Variants in GNAO1 observed in about 807,000 individuals in gnomAD.
GNAO1 encodes G protein subunit alpha o1, also known as guanine nucleotide-binding protein G(o) subunit alpha.
For missense variants in GNAO1, 166 were observed against 478.7 expected (o/e 0.35, Z 6.10); for synonymous variants, 164 against 180.7 (o/e 0.91, Z 0.74).
intron 2 of GNAO1, among the ~76,000 whole-genome samples, chr16:56,221,682 CCAGATGATG>C (rs1415273346): frequency 5.4e-5 from 8 of 149,348 alleles, no homozygotes; most frequent in African/African-American, 2.0e-4. Flanking sequence ...AAACATGGGA[CCAGATGATG>C]CAGATGATGA....
At chr16:56,232,243 A>G (rs1157552335) in intron 2 of GNAO1, among the ~76,000 whole-genome samples, 10 of 152,214 alleles carry the variant, frequency 6.6e-5, no homozygotes, top group Non-Finnish European at 1.3e-4. Flanking sequence ...TTGCTGTAAC[A>G]TAATTGACCC....
chr16:56,278,992 T>G (rs1314788429), intron 3 of GNAO1, among the ~76,000 whole-genome samples: 1 of 152,058 alleles, frequency 6.6e-6, no homozygotes. Flanking sequence ...GAAACCACCT[T>G]ATGCTGCAGG....
At chr16:56,282,667 C>T (rs1408667344) in intron 3 of GNAO1, among the ~76,000 whole-genome samples, 5 of 152,214 alleles carry the variant, frequency 3.3e-5, no homozygotes, top group Admixed American at 3.3e-4. Flanking sequence ...AATGGCCCTA[C>T]AAGCAAGGGC....
At chr16:56,194,145 C>A in intron 2 of GNAO1, 1 of 456,508 alleles carries the variant, frequency 2.2e-6, no homozygotes, top group Non-Finnish European at 4.4e-6. Flanking sequence ...TTGACATGTT[C>A]TTATTTTTAT....
intron 4 of GNAO1, among the ~76,000 whole-genome samples, chr16:56,331,345 T>C (rs2037686360): frequency 6.6e-6 from 1 of 152,168 alleles, no homozygotes; most frequent in Admixed American, 6.5e-5. Context: ...TGGGGCCTGG[T>C]TGGCATTGGC....
At chr16:56,233,527 C>T (rs923837081) in intron 2 of GNAO1, among the ~76,000 whole-genome samples, 1 of 152,166 alleles carries the variant, frequency 6.6e-6, no homozygotes, top group Admixed American at 6.5e-5. Context: ...AAGCCAGCAC[C>T]CATAAGGATG....
At chr16:56,219,192 A>G (rs946273801) in intron 2 of GNAO1, among the ~76,000 whole-genome samples, 4 of 152,202 alleles carry the variant, frequency 2.6e-5, no homozygotes, top group Admixed American at 1.3e-4. Context: ...CCCAATGACC[A>G]TACCTTTTCC....
chr16:56,348,228 A>G, intron 6 of GNAO1: 1 of 981,798 alleles, frequency 1.0e-6, no homozygotes, highest in Non-Finnish European at 1.2e-6. Context: ...GTCAGGGCCC[A>G]GGGAGCTCCT....
chr16:56,201,340 C>T (rs1421379530), intron 2 of GNAO1, among the ~76,000 whole-genome samples: 1 of 152,210 alleles, frequency 6.6e-6, no homozygotes, highest in African/African-American at 2.4e-5. Flanking sequence ...GATGTCACCA[C>T]ATGGAACATG....
chr16:56,331,621 C>T (rs1388179015), intron 4 of GNAO1, among the ~76,000 whole-genome samples: 1 of 152,166 alleles, frequency 6.6e-6, no homozygotes, highest in African/African-American at 2.4e-5. Context: ...CTCGATGCCT[C>T]CTGCCCACCC....
At chr16:56,255,367 T>C (rs2036837272) in intron 2 of GNAO1, among the ~76,000 whole-genome samples, 1 of 152,230 alleles carries the variant, frequency 6.6e-6, no homozygotes, top group African/African-American at 2.4e-5. Flanking sequence ...AAACTATGAA[T>C]TCTTGTGTGT....
In GNAO1 at chr16:56,267,464, G is replaced by A. The variant is rs142897542; in HGVS notation, c.162-8467G>A. On this transcript the variant is annotated intron_variant, in intron 2 of 8. Coordinates refer to ENST00000262493, the MANE Select transcript of GNAO1 (RefSeq NM_020988.3). ...TTCATGCATTTCACACACATTTCCC[G>A]AGCACTCTGTGGGACAAGGGGGGCT... Among the ~76,000 whole-genome samples the A allele has an allele frequency of 3.6e-3, 545 of 152,178 alleles. 4 individuals are homozygous for A. The highest frequency in any genetic ancestry group is 0.012 in the African/African-American group (511 of 41,516).
In GNAO1 at chr16:56,192,727, C is replaced by T. The variant is rs74020179; in HGVS notation, c.161+111C>T. The T allele has an allele frequency of 1.9e-4, 57 of 295,402 alleles. No homozygotes were observed. The African/African-American group carries it at 2.9e-3, about 15-fold the overall frequency. The allele number at this position is 295,402 out of a possible 1,614,324, so 18.3% of individuals were successfully genotyped here. A position where few individuals can be genotyped will look rare whatever the true frequency, so the allele number is the denominator to read the frequency against. On this transcript the variant is annotated intron_variant, in intron 2 of 8. Transcript: ENST00000262493. ...CTCCAGGCCTGTTTTTTAATTCGTG[C>T]ACACACACACACACACACACACACC...
intron 2 of GNAO1, among the ~76,000 whole-genome samples, chr16:56,214,618 G>A (rs2036422475): frequency 6.6e-6 from 1 of 152,214 alleles, no homozygotes; most frequent in Admixed American, 6.5e-5. Flanking sequence ...TCCTATCTAA[G>A]TAGTGCTAAC....
chr16:56,307,629 G>A (rs945787072), intron 3 of GNAO1: 7 of 152,218 alleles, frequency 4.6e-5, no homozygotes, highest in African/African-American at 1.7e-4. Flanking sequence ...GAGTCACAAG[G>A]TGTCACATGA....
At chr16:56,222,148 G>C (rs1171114185) in intron 2 of GNAO1, among the ~76,000 whole-genome samples, 2 of 152,098 alleles carry the variant, frequency 1.3e-5, no homozygotes, top group African/African-American at 2.4e-5. Context: ...ACAGCTAAGA[G>C]TGGCATGCCC....
At chr16:56,224,163 C>T (rs188442284) in intron 2 of GNAO1, among the ~76,000 whole-genome samples, 1 of 152,198 alleles carries the variant, frequency 6.6e-6, no homozygotes, top group Non-Finnish European at 1.5e-5. Flanking sequence ...CCCTGGAGGT[C>T]TCTAGATCCT....
intron 2 of GNAO1, among the ~76,000 whole-genome samples, chr16:56,250,075 G>A (rs2143452965): frequency 6.6e-6 from 1 of 152,282 alleles, no homozygotes; most frequent in East Asian, 1.9e-4. Flanking sequence ...CAAACCATCA[G>A]GAAGAATTGG....
At chr16:56,247,771 A>G (rs16956201) in intron 2 of GNAO1, among the ~76,000 whole-genome samples, 19,633 of 152,196 alleles carry the variant, frequency 0.13, 1,598 homozygotes, top group African/African-American at 0.22. Context: ...CTGGATGAAC[A>G]AATATTTGCA....
Sources: gnomAD v4.1 joint callset for allele counts (sites outside exome capture counted in the v4.1 genomes callset) on GRCh38, gnomAD v4.1.1 for gene constraint, MANE v1.5 for transcripts, NCBI Gene and HGNC (gene_info 2026-07-23, HGNC 2026-07-21) for gene names.